NXN: variants seen among roughly 807,000 people sequenced by gnomAD.
NXN encodes nucleoredoxin 1.
In NXN, 16 loss-of-function variants were observed where a neutral mutation model predicts 48.6. The ratio of observed to expected loss-of-function variants is 0.33; its 90% CI spans 0.22 to 0.50. The LOEUF is 0.50. Among genes scored for constraint, NXN ranks in the 20% least tolerant of loss-of-function variants. The probability of loss-of-function intolerance (pLI) is 0.98; values close to 1 mark genes in which losing one functional copy is unlikely to be tolerated. For synonymous variants in NXN, 281 were observed against 269.6 expected (o/e 1.04, Z -0.41); for missense variants, 492 against 605.5 (o/e 0.81, Z 1.97).
intron 1 of NXN, among the ~76,000 whole-genome samples, chr17:842,149 A>AAAACCTGCTCGACACCCTTCCAATT (rs1162399081): frequency 6.6e-6 from 1 of 152,024 alleles, no homozygotes; most frequent in African/African-American, 2.4e-5. Flanking sequence ...AACAAAACAA[A>AAAACCTGCTCGACACCCTTCCAATT]AAACCTGCTC....
Position 978,475 on chromosome 17 carries a change from G to T in NXN, c.360+844C>A, listed in dbSNP as rs150235479. The T allele has an allele frequency of 6.6e-6, 1 of 152,412 alleles. No individual in the cohort carries two copies. Among genetic ancestry groups the T allele is most frequent in the Non-Finnish European group, 1.5e-5 (1 of 68,164 alleles). 9.4% of individuals were successfully genotyped at this position (152,412 alleles called of 1,614,324 possible). On this transcript the variant is annotated intron_variant, in intron 1 of 7. Transcript: ENST00000336868. This position sits in a 1 kb window ranked among gnomAD's most constrained non-coding sequence, Gnocchi z 4.1. ...CTTCCAGTCAATGTGCATCGATGGG[G>T]TCAGCTCAGCCCTTAACTCGAAGAC... is the stretch of plus-strand genomic sequence containing the variant.
chr17:904,257 G>A (rs541566045), intron 1 of NXN, among the ~76,000 whole-genome samples: 8 of 151,556 alleles, frequency 5.3e-5, no homozygotes, highest in Non-Finnish European at 1.0e-4. Flanking sequence ...AGCGGGCCTT[G>A]CTGCGGAGAG....
At chr17:852,720 C>A (rs1051747599) in intron 1 of NXN, among the ~76,000 whole-genome samples, 1 of 152,142 alleles carries the variant, frequency 6.6e-6, no homozygotes, top group African/African-American at 2.4e-5. Flanking sequence ...TCCCCCTGCA[C>A]GGTTGGGATT....
rs899758308 is a variant in NXN, at chr17:917,832, C to T, written c.360+61487G>A. Among the ~76,000 whole-genome samples the T allele has an allele frequency of 1.3e-5, 2 of 152,126 alleles. No individual in the cohort carries two copies. Among genetic ancestry groups the T allele is most frequent in the East Asian group, 1.9e-4 (1 of 5,194 alleles). ...AAGGGCGGATGGGAAAGGGGATAAG[C>T]GACAGGAGAGGGGGGACTCCCGTTC... On this transcript the variant is annotated intron_variant, in intron 1 of 7. Transcript: ENST00000336868. The surrounding 1 kb of genome is among the most constrained non-coding windows in gnomAD (Gnocchi z 4.5).
At chr17:803,553 T>C (rs1306305953) in intron 7 of NXN, 129 bp downstream of exon 7, 1 of 1,144,006 alleles carries the variant, frequency 8.7e-7, no homozygotes, top group Admixed American at 2.2e-5. Context: ...CATTTGTCTG[T>C]GGGCTCTCTC....
chr17:956,026 A>G lies in NXN; in HGVS notation c.360+23293T>C, dbSNP rs1348772711. Among the ~76,000 whole-genome samples the G allele has an allele frequency of 6.6e-6, 1 of 151,600 alleles. No homozygotes were observed. Among genetic ancestry groups the G allele is most frequent in the African/African-American group, 2.4e-5 (1 of 40,988 alleles). ...GCCTCAGTTTCCCTGCCTGTCAAAG[A>G]AGACTGTGGCCACATAATCCCCCTG... On this transcript the variant is annotated intron_variant, in intron 1 of 7. Transcript: ENST00000336868. This position sits in a 1 kb window ranked among gnomAD's most constrained non-coding sequence, Gnocchi z 4.1.
At chr17:869,594 G>A (rs772923042) in intron 1 of NXN, among the ~76,000 whole-genome samples, 1 of 152,234 alleles carries the variant, frequency 6.6e-6, no homozygotes, top group Non-Finnish European at 1.5e-5. Flanking sequence ...GAAAGATACT[G>A]TAAGAATCGC....
intron 1 of NXN, among the ~76,000 whole-genome samples, chr17:853,176 GCACGGTGGCT>G (rs1381028245): frequency 6.6e-6 from 1 of 152,128 alleles, no homozygotes; most frequent in Admixed American, 6.5e-5. Context: ...TCCCAGCCGG[GCACGGTGGCT>G]CACGCCTGGA....
At chr17:930,159 T>G (rs2068839278) in intron 1 of NXN, 1 of 151,582 alleles carries the variant, frequency 6.6e-6, no homozygotes, top group African/African-American at 2.4e-5. Context: ...TCAGGCTGGG[T>G]GCAGTGGCTC....
chr17:836,273 T>G (rs1211288265), intron 1 of NXN, among the ~76,000 whole-genome samples: 1 of 152,156 alleles, frequency 6.6e-6, no homozygotes, highest in Non-Finnish European at 1.5e-5. Context: ...CTGGGGAGCC[T>G]CAGCTTTTCT....
At chr17:903,548 A>C (rs2068556110) in intron 1 of NXN, among the ~76,000 whole-genome samples, 1 of 151,862 alleles carries the variant, frequency 6.6e-6, no homozygotes, top group Non-Finnish European at 1.5e-5. Flanking sequence ...ACACCCAGCT[A>C]ACTTTAAAAT....
chr17:915,878 G>GGCAGCCACTTATGGTGTCAGAGCCGA (rs1172944458), intron 1 of NXN, among the ~76,000 whole-genome samples: 144 of 105,814 alleles, frequency 1.4e-3, no homozygotes, highest in East Asian at 2.8e-3. Flanking sequence ...GTCAGAGCTG[G>GGCAGCCACTTATGGTGTCAGAGCCGA]AACTTCCAGC....
At chr17:864,102 G>C in intron 1 of NXN, 1 of 1,264,700 alleles carries the variant, frequency 7.9e-7, no homozygotes, top group Non-Finnish European at 9.9e-7. Flanking sequence ...TCCGGTGAAG[G>C]GGCACGTTTA....
At chr17:826,650 G>A (rs753193133) in intron 1 of NXN, among the ~76,000 whole-genome samples, 1 of 152,212 alleles carries the variant, frequency 6.6e-6, no homozygotes, top group Non-Finnish European at 1.5e-5. Context: ...AGAAGGCCAC[G>A]GAGTTAACAT....
chr17:973,202 C>CATGTCTG (rs2069412570), intron 1 of NXN, among the ~76,000 whole-genome samples: 1 of 152,200 alleles, frequency 6.6e-6, no homozygotes, highest in Non-Finnish European at 1.5e-5. Flanking sequence ...AGTACCAAAC[C>CATGTCTG]AGCAATGCCT....
At chr17:886,158 G>A (rs1002956359) in intron 1 of NXN, among the ~76,000 whole-genome samples, 3 of 152,054 alleles carry the variant, frequency 2.0e-5, no homozygotes, top group African/African-American at 2.4e-5. Flanking sequence ...CCACGGGTCC[G>A]GGTTTCTCCA....
Position 959,186 on chromosome 17 carries a change from G to A in NXN, c.360+20133C>T, listed in dbSNP as rs143113537. On this transcript the variant is annotated intron_variant, in intron 1 of 7. Coordinates refer to ENST00000336868, the MANE Select transcript of NXN (RefSeq NM_022463.5). ...GGCTGGAGAGGTGGTTCCCCGCCAC[G>A]TACCAGTTCAGCCAGTACGTGTGTC... is the stretch of plus-strand genomic sequence containing the variant. 1.8e-3 allele frequency: 1,770 copies of A among 995,054 alleles called. 2 individuals are homozygous for A. Among genetic ancestry groups the A allele is most frequent in the Non-Finnish European group, 1.9e-3 (1,429 of 735,046 alleles). The allele number at this position is 995,054 out of a possible 1,614,324, so 61.6% of individuals were successfully genotyped here.
intron 1 of NXN, among the ~76,000 whole-genome samples, chr17:907,342 A>ATTTTT (rs3062164): frequency 5.5e-5 from 8 of 145,714 alleles, no homozygotes; most frequent in Non-Finnish European, 1.0e-4. Context: ...CTCAATACCT[A>ATTTTT]TTTTTTTTTT....
At chr17:882,755 G>T (rs997563985) in intron 1 of NXN, among the ~76,000 whole-genome samples, 1 of 149,442 alleles carries the variant, frequency 6.7e-6, no homozygotes, top group African/African-American at 2.5e-5. Context: ...GTTAGCCACC[G>T]CACCCGGCCT....
Sources: allele counts gnomAD v4.1 joint callset (sites outside exome capture counted in the v4.1 genomes callset), GRCh38; gene constraint gnomAD v4.1.1; non-coding constraint Gnocchi (gnomAD v3.1); transcripts MANE v1.5; gene names NCBI Gene and HGNC (gene_info 2026-07-23, HGNC 2026-07-21).